ARHGAP24: variants seen among roughly 807,000 people sequenced by gnomAD.
ARHGAP24 encodes the protein rho GTPase-activating protein 24.
ARHGAP24 carries 50 observed loss-of-function variants against 76.4 expected under a neutral mutation model. The observed-to-expected ratio is 0.65, with a 90% confidence interval of 0.52 to 0.83. The LOEUF (loss-of-function observed/expected upper bound fraction) is 0.83, where lower values mean the gene tolerates loss of function less well. Ranked by LOEUF, ARHGAP24 falls within the 40% of genes least tolerant of loss-of-function variation. The pLI, the probability that ARHGAP24 is intolerant of heterozygous loss-of-function variation, is 0.00. For synonymous variants in ARHGAP24, 345 were observed against 323.3 expected, an observed-to-expected ratio of 1.07 and a Z score of -0.72; for missense variants, 930 against 914.2, an observed-to-expected ratio of 1.02 and a Z score of -0.22.
intron 1 of ARHGAP24, among the ~76,000 whole-genome samples, chr4:85,480,134 A>G (rs1159375734): frequency 6.6e-6 from 1 of 152,160 alleles, no homozygotes; most frequent in Admixed American, 6.5e-5. Context: ...CTATGCTTTA[A>G]TATGATACCC....
intron 3 of ARHGAP24, among the ~76,000 whole-genome samples, chr4:85,905,748 A>G (rs1734739425): frequency 6.6e-6 from 1 of 152,250 alleles, no homozygotes; most frequent in African/African-American, 2.4e-5. Flanking sequence ...ATAAATTGCC[A>G]TAGTAGGACT....
chr4:85,964,993 G>A lies in ARHGAP24; in HGVS notation c.600-7043G>A, dbSNP rs935831708. 6.6e-5 allele frequency among the ~76,000 whole-genome samples: 10 copies of A among 152,178 alleles called. 1 individual carries two copies. Among genetic ancestry groups the A allele is most frequent in the Admixed American group, 6.5e-4 (10 of 15,284 alleles). ...GAAAGGGAGGAGTCTCTACACACAT[G>A]CCTCTATACACAGAAGAAATTCTAG... On this transcript the variant is annotated intron_variant, in intron 5 of 9. Transcript: ENST00000395184.
chr4:85,830,011 C>A lies in ARHGAP24; in HGVS notation c.269-93637C>A, dbSNP rs117075685. Among the ~76,000 whole-genome samples the A allele has an allele frequency of 5.3e-4, 81 of 152,354 alleles. 2 individuals are homozygous for A. In the East Asian group the frequency reaches 0.015, roughly 28 times the overall value. On this transcript the variant is annotated intron_variant, in intron 3 of 9. Coordinates refer to ENST00000395184, the MANE Select transcript of ARHGAP24 (RefSeq NM_001025616.3). The stretch of plus-strand genomic sequence containing the variant: ...ACCTCAGAGCACATGCCAGTCTGTT[C>A]AAACACATTTACTTCTATGCAATTA...
At chr4:85,683,253 A>G (rs971742032) in intron 2 of ARHGAP24, among the ~76,000 whole-genome samples, 6 of 151,978 alleles carry the variant, frequency 3.9e-5, no homozygotes, top group African/African-American at 1.4e-4. Context: ...GGAATGTATT[A>G]TTTCCATTAT....
chr4:85,510,801 TTCCTCCTCC>T (rs1245634445), intron 1 of ARHGAP24, among the ~76,000 whole-genome samples: 2 of 124,016 alleles, frequency 1.6e-5, no homozygotes, highest in East Asian at 2.7e-4. Flanking sequence ...GCCCCTCCCC[TTCCTCCTCC>T]TCCTCCTCCT....
intron 4 of ARHGAP24, among the ~76,000 whole-genome samples, chr4:85,935,917 C>T (rs1736606863): frequency 1.3e-5 from 2 of 152,132 alleles, no homozygotes; most frequent in African/African-American, 2.4e-5. Flanking sequence ...TCACTGGTTA[C>T]GATAGACCCT....
At chr4:85,971,837 T>C (rs1739004771) in intron 5 of ARHGAP24, among the ~76,000 whole-genome samples, 199 bp from the exon 6 acceptor site, 2 of 152,154 alleles carry the variant, frequency 1.3e-5, no homozygotes, top group South Asian at 4.1e-4. Context: ...GAGGATTCTA[T>C]AGATCCTTCT....
intron 1 of ARHGAP24, among the ~76,000 whole-genome samples, chr4:85,565,602 C>T (rs1043289676): frequency 2.0e-5 from 3 of 152,086 alleles, no homozygotes; most frequent in South Asian, 2.1e-4. Context: ...GCCCTGGGAG[C>T]GTGCATTCAC....
intron 2 of ARHGAP24, among the ~76,000 whole-genome samples, chr4:85,683,413 A>T (rs569561700): frequency 7.9e-5 from 12 of 152,296 alleles, no homozygotes; most frequent in African/African-American, 2.9e-4. Flanking sequence ...TTATACATGG[A>T]TCTATAAAAA....
chr4:85,837,901 T>C (rs1730376912), intron 3 of ARHGAP24, among the ~76,000 whole-genome samples: 1 of 152,222 alleles, frequency 6.6e-6, no homozygotes, highest in Non-Finnish European at 1.5e-5. Flanking sequence ...TCGATCGGTA[T>C]TGTATTTCTG....
intron 3 of ARHGAP24, among the ~76,000 whole-genome samples, chr4:85,904,006 C>G (rs920597606): frequency 6.6e-6 from 1 of 152,148 alleles, no homozygotes; most frequent in African/African-American, 2.4e-5. Context: ...TTGTTTTAAC[C>G]TATAGTATTT....
At chr4:85,901,826 T>C (rs796776237) in intron 3 of ARHGAP24, among the ~76,000 whole-genome samples, 6 of 152,306 alleles carry the variant, frequency 3.9e-5, no homozygotes, top group African/African-American at 1.4e-4. Flanking sequence ...TGTTTTTTTT[T>C]ACTTTAAGTT....
chr4:85,841,445 A>G (rs538920671), intron 3 of ARHGAP24, among the ~76,000 whole-genome samples: 4 of 152,200 alleles, frequency 2.6e-5, no homozygotes, highest in Non-Finnish European at 5.9e-5. Flanking sequence ...CATCTATGAA[A>G]TGGGAATTGT....
intron 3 of ARHGAP24, among the ~76,000 whole-genome samples, chr4:85,774,815 C>T (rs1024085029): frequency 3.9e-5 from 6 of 152,088 alleles, no homozygotes; most frequent in African/African-American, 7.2e-5. Flanking sequence ...ATTTTGCCTT[C>T]ATGTTTATGG....
At chr4:85,625,108 T>C (rs1045980426) in intron 2 of ARHGAP24, among the ~76,000 whole-genome samples, 1 of 152,214 alleles carries the variant, frequency 6.6e-6, no homozygotes, top group Admixed American at 6.5e-5. Context: ...TCTTGCCTTC[T>C]GCTAGCTTTT....
At chr4:85,924,011 G>GT (rs372190456) in intron 4 of ARHGAP24, among the ~76,000 whole-genome samples, 21 of 147,772 alleles carry the variant, frequency 1.4e-4, no homozygotes, top group East Asian at 7.9e-4. Context: ...AAATGGGTGG[G>GT]TTTTTTTTTT....
intron 1 of ARHGAP24, among the ~76,000 whole-genome samples, chr4:85,550,264 T>G (rs6839494): frequency 6.6e-6 from 1 of 152,116 alleles, no homozygotes; most frequent in South Asian, 2.1e-4. Flanking sequence ...CTTCTGCATA[T>G]GGCTAGCCAG....
chr4:85,905,356 A>G (rs1320072983), intron 3 of ARHGAP24, among the ~76,000 whole-genome samples: 1 of 148,952 alleles, frequency 6.7e-6, no homozygotes, highest in East Asian at 2.0e-4. Flanking sequence ...TTGTCTTCAA[A>G]TCTTCTTATA....
intron 3 of ARHGAP24, among the ~76,000 whole-genome samples, chr4:85,895,001 C>CAAAAAAAAAAAAAAAAAA (rs1222078793): frequency 9.2e-5 from 5 of 54,342 alleles, no homozygotes; most frequent in Non-Finnish European, 1.2e-4. Flanking sequence ...AAACAAAAAG[C>CAAAAAAAAAAAAAAAAAA]AAAAAAAAAA....
Sources: gnomAD v4.1 joint callset for allele counts (sites outside exome capture counted in the v4.1 genomes callset) on GRCh38, gnomAD v4.1.1 for gene constraint, MANE v1.5 for transcripts, NCBI Gene and HGNC (gene_info 2026-07-23, HGNC 2026-07-21) for gene names.